Variants in SPIDR observed in about 807,000 individuals in gnomAD.
SPIDR encodes the protein scaffold protein involved in DNA repair, also known as DNA repair-scaffolding protein.
In SPIDR, 93 loss-of-function variants were observed where a neutral mutation model predicts 104.6. The observed-to-expected ratio is 0.89, with a 90% CI of 0.75 to 1.06. The LOEUF (loss-of-function observed/expected upper bound fraction) is 1.06, where lower values mean the gene tolerates loss of function less well. Ranked by LOEUF, SPIDR falls within the 50% of genes least tolerant of loss-of-function variation. The pLI, the probability that SPIDR is intolerant of heterozygous loss-of-function variation, is 0.00. For missense variants in SPIDR, 1,154 were observed against 1,111.2 expected, an observed-to-expected ratio of 1.04 and a Z score of -0.55; for synonymous variants, 431 against 416.9, an observed-to-expected ratio of 1.03 and a Z score of -0.41.
At chr8:47,456,787 A>G (rs1185290794) in intron 8 of SPIDR, among the ~76,000 whole-genome samples, 1 of 151,970 alleles carries the variant, frequency 6.6e-6, no homozygotes, top group East Asian at 1.9e-4. Context: ...CCCAAAGTCC[A>G]CTGTATCATT....
At chr8:47,463,450 G>A (rs1236869527) in intron 8 of SPIDR, among the ~76,000 whole-genome samples, 1 of 151,530 alleles carries the variant, frequency 6.6e-6, no homozygotes, top group African/African-American at 2.4e-5. Context: ...AACATTTAAA[G>A]AAGAATTAAC....
intron 5 of SPIDR, among the ~76,000 whole-genome samples, chr8:47,325,229 A>G (rs1554599659): frequency 6.6e-6 from 1 of 152,128 alleles, no homozygotes; most frequent in Non-Finnish European, 1.5e-5. Flanking sequence ...TTAAATTGGG[A>G]ATGTACACTA....
At chr8:47,519,116 T>C (rs2083612068) in intron 8 of SPIDR, among the ~76,000 whole-genome samples, 1 of 151,842 alleles carries the variant, frequency 6.6e-6, no homozygotes. Flanking sequence ...CTGACCTGGC[T>C]ATGTGTTTTG....
intron 8 of SPIDR, among the ~76,000 whole-genome samples, chr8:47,508,465 G>C (rs552257823): frequency 2.0e-5 from 3 of 152,272 alleles, no homozygotes; most frequent in Admixed American, 2.0e-4. Context: ...TCTGCACAGG[G>C]CTGCACACAC....
intron 8 of SPIDR, among the ~76,000 whole-genome samples, chr8:47,526,088 A>G (rs930884546): frequency 6.6e-6 from 1 of 152,216 alleles, no homozygotes; most frequent in Non-Finnish European, 1.5e-5. Flanking sequence ...AGTTAAACTT[A>G]GAGCCTCTGA....
chr8:47,661,873 A>G (rs574976126), intron 10 of SPIDR, among the ~76,000 whole-genome samples: 2 of 152,336 alleles, frequency 1.3e-5, no homozygotes, highest in South Asian at 4.1e-4. Flanking sequence ...CTGGGATCCC[A>G]ATGCTTCTGC....
At position 47,405,097 on chromosome 8, in the gene SPIDR, C is replaced by T. The variant is rs144630662; in HGVS notation, c.777-2764C>T. 2.6e-3 allele frequency among the ~76,000 whole-genome samples: 401 copies of T among 152,002 alleles called. 3 individuals are homozygous for T. The highest frequency in any genetic ancestry group is 5.3e-3 in the Admixed American group (81 of 15,236). ...GAAACCATCATTCTGAGGAAACTGT[C>T]GCAGGGAAGGAGAACCAGACACCGC... On this transcript the variant is annotated intron_variant, in intron 6 of 19. Coordinates refer to ENST00000297423, the MANE Select transcript of SPIDR (RefSeq NM_001080394.4).
At chr8:47,433,509 G>C (rs2067725004) in intron 7 of SPIDR, among the ~76,000 whole-genome samples, 1 of 152,126 alleles carries the variant, frequency 6.6e-6, no homozygotes, top group African/African-American at 2.4e-5. Flanking sequence ...GAACATGAAT[G>C]GGCTGTTCTC....
At chr8:47,311,790 A>C (rs1035183628) in intron 5 of SPIDR, among the ~76,000 whole-genome samples, 1 of 151,956 alleles carries the variant, frequency 6.6e-6, no homozygotes, top group African/African-American at 2.4e-5. Flanking sequence ...ACATATGTAT[A>C]CATGTGCCAT....
rs573282698 is a variant in SPIDR, at chr8:47,364,981, A to G, written c.526-31395A>G. 9.8e-5 allele frequency among the ~76,000 whole-genome samples: 15 copies of G among 152,324 alleles called. 1 individual carries two copies. The South Asian group carries it at 2.1e-3, about 21-fold the overall frequency. ...TCTTCCCCACAGCAAGCCTGTGGCC[A>G]TTACAACTTGTGCTTCTCTGTGCAT... is the stretch of plus-strand genomic sequence containing the variant. On this transcript the variant is annotated intron_variant, in intron 5 of 19. Transcript: ENST00000297423.
chr8:47,314,566 G>T (rs1554588131), intron 5 of SPIDR, among the ~76,000 whole-genome samples: 1 of 152,086 alleles, frequency 6.6e-6, no homozygotes, highest in Non-Finnish European at 1.5e-5. Context: ...CAAAGTTGGG[G>T]GAAAGCCCCT....
intron 1 of SPIDR, among the ~76,000 whole-genome samples, chr8:47,278,236 G>C (rs1027940852): frequency 6.6e-6 from 1 of 151,718 alleles, no homozygotes; most frequent in Non-Finnish European, 1.5e-5. Context: ...CAGTGATGCA[G>C]CCTTGACCTT....
intron 11 of SPIDR, 24 bp downstream of exon 11, chr8:47,673,965 C>G: frequency 1.2e-6 from 2 of 1,604,122 alleles, no homozygotes; most frequent in Non-Finnish European, 1.7e-6. Flanking sequence ...GGAATGGCAT[C>G]CAATTTGCTA....
intron 5 of SPIDR, among the ~76,000 whole-genome samples, chr8:47,300,533 G>T (rs1554576528): frequency 9.9e-5 from 15 of 152,040 alleles, no homozygotes; most frequent in Middle Eastern, 3.4e-3. Context: ...CTTTTAATTG[G>T]GATGTTAGGG....
chr8:47,522,473 G>A (rs1044447473), intron 8 of SPIDR, among the ~76,000 whole-genome samples: 5 of 152,176 alleles, frequency 3.3e-5, no homozygotes, highest in African/African-American at 1.2e-4. Context: ...AAGGATCCGA[G>A]CCAGTGTGGA....
intron 8 of SPIDR, among the ~76,000 whole-genome samples, chr8:47,521,028 T>C (rs534110975): frequency 1.3e-5 from 2 of 152,306 alleles, no homozygotes; most frequent in East Asian, 1.9e-4. Flanking sequence ...ACTTCACTTC[T>C]TTAGAGGAAA....
At chr8:47,358,850 A>G (rs966699552) in intron 5 of SPIDR, among the ~76,000 whole-genome samples, 1 of 152,152 alleles carries the variant, frequency 6.6e-6, no homozygotes, top group African/African-American at 2.4e-5. Context: ...ATATACAGAC[A>G]TACTCCTCCC....
rs146839787 is a variant in SPIDR at position 47,335,804 on chromosome 8, G to A, written c.525+41774G>A. 5.6e-4 allele frequency among the ~76,000 whole-genome samples: 85 copies of A among 152,320 alleles called. No individual in the cohort carries two copies. The East Asian group carries it at 0.014, about 26-fold the overall frequency. On this transcript the variant is annotated intron_variant, in intron 5 of 19. Transcript: ENST00000297423. ...CTCTTGCTTGCACTGTTTCTGAGAA[G>A]AAGTTGTTATCTTTGCTTCTCTGTA... is the stretch of plus-strand genomic sequence containing the variant.
At chr8:47,433,423 C>A (rs1280285197) in intron 7 of SPIDR, among the ~76,000 whole-genome samples, 2 of 152,204 alleles carry the variant, frequency 1.3e-5, no homozygotes, top group African/African-American at 2.4e-5. Flanking sequence ...TGTTTCTTCC[C>A]TGCTTCATCA....
Sources: gnomAD v4.1 joint callset for allele counts (sites outside exome capture counted in the v4.1 genomes callset) on GRCh38, gnomAD v4.1.1 for gene constraint, MANE v1.5 for transcripts, NCBI Gene and HGNC (gene_info 2026-07-23, HGNC 2026-07-21) for gene names.